The following CPLANE1 variants were observed in gnomAD, a reference collection of about 807,000 sequenced individuals.
CPLANE1 encodes the protein ciliogenesis and planar polarity effector complex subunit 1.
In CPLANE1, 263 loss-of-function variants were observed where a neutral mutation model predicts 362.5. The ratio of observed to expected loss-of-function variants is 0.73; its 90% CI spans 0.66 to 0.80. The LOEUF (loss-of-function observed/expected upper bound fraction) is 0.80, where lower values mean the gene tolerates loss of function less well. Among genes scored for constraint, CPLANE1 ranks in the 30% least tolerant of loss-of-function variants. CPLANE1 has a pLI of 0.00. For missense variants in CPLANE1, 3,461 were observed against 3,793.4 expected (o/e 0.91, Z 2.30); for synonymous variants, 1,212 against 1,302.6 (o/e 0.93, Z 1.50).
chr5:37,223,371 T>C (rs763830713), intron 14 of CPLANE1, among the ~76,000 whole-genome samples: 5 of 152,152 alleles, frequency 3.3e-5, no homozygotes, highest in Non-Finnish European at 5.9e-5. Flanking sequence ...TAAAACATAA[T>C]GAGAAAAGTG....
At chr5:37,165,430 C>G (rs1777992972) in intron 36 of CPLANE1, 109 bp downstream of exon 36, 3 of 1,016,108 alleles carry the variant, frequency 3.0e-6, no homozygotes, top group Non-Finnish European at 4.5e-6. Context: ...TGAAGATCCT[C>G]CTAGTCACAG....
Position 37,213,748 on chromosome 5 carries a change from A to G in CPLANE1, c.2747-16T>C. The G allele has an allele frequency of 6.9e-7, 1 of 1,443,132 alleles. No homozygotes were observed. The allele number at this position is 1,443,132 out of a possible 1,614,324, so 89.4% of individuals were successfully genotyped here. The stretch of plus-strand genomic sequence containing the variant: ...TTTGCAGCACCTAAGGAATACAGCA[A>G]TGACCTAAGAAGATTGTGATCAACT... On this transcript the variant is annotated splice_polypyrimidine_tract_variant and intron_variant, in intron 15 of 52. Transcript: ENST00000651892.
chr5:37,210,594 G>C, intron 16 of CPLANE1: 6 of 1,592,140 alleles, frequency 3.8e-6, no homozygotes, highest in Middle Eastern at 1.7e-4. Flanking sequence ...GCTTGAATTA[G>C]AGTCTGTCAA....
Position 37,206,386 on chromosome 5 carries a change from A to C in CPLANE1, c.2960T>G (p.Val987Gly), listed in dbSNP as rs1176915573. ...ATTCTGATCTCTAACAACACTGGCC[A>C]CCTTAGAGTGTTGCAGAGGAATAAG... is the stretch of plus-strand genomic sequence containing the variant. Reference protein sequence around the residue: ...FRLIPLQHSKVASVVRDQNLS... With the variant: ...FRLIPLQHSKGASVVRDQNLS... The change falls in exon 17 of 53, where the codon GTG becomes GGG. Residue 987 changes from valine (V) to glycine (G), a missense_variant. Physicochemically the swap from Val to Gly is moderately radical, Grantham distance 109 (BLOSUM62 -3). Transcript: ENST00000651892. 4 of 1,551,566 alleles carry C rather than the reference A, an allele frequency of 2.6e-6. No individual in the cohort carries two copies. The Admixed American group carries it at 7.8e-5, about 30-fold the overall frequency.
intron 43 of CPLANE1, among the ~76,000 whole-genome samples, chr5:37,147,277 T>C (rs1007261790): frequency 1.3e-5 from 2 of 152,186 alleles, no homozygotes; most frequent in African/African-American, 2.4e-5. Context: ...TTTTAACAAA[T>C]ATCTAAGGAT....
intron 51 of CPLANE1, among the ~76,000 whole-genome samples, chr5:37,112,472 G>C (rs979006463): frequency 6.6e-6 from 1 of 152,222 alleles, no homozygotes; most frequent in Non-Finnish European, 1.5e-5. Context: ...CCACTGGACA[G>C]TGAAAGCTTT....
At chr5:37,229,233 A>G (rs924046376) in intron 9 of CPLANE1, among the ~76,000 whole-genome samples, 9 of 147,816 alleles carry the variant, frequency 6.1e-5, no homozygotes, top group African/African-American at 2.3e-4. Flanking sequence ...AAAAAAAAAA[A>G]TTAAATTAAA....
chr5:37,203,775 C>T (rs147993757), intron 18 of CPLANE1, among the ~76,000 whole-genome samples: 1 of 152,264 alleles, frequency 6.6e-6, no homozygotes, highest in Non-Finnish European at 1.5e-5. Flanking sequence ...GCCTTAGCCT[C>T]CCAAAGCATT....
chr5:37,107,905 G>T, intron 52 of CPLANE1, 127 bp from the exon 53 acceptor site: 1 of 1,403,288 alleles, frequency 7.1e-7, no homozygotes. Context: ...TCAAAAGGCT[G>T]AAGGAAATGT....
At chr5:37,158,105 C>CA in intron 39 of CPLANE1, 119 bp downstream of exon 39, 3 of 1,175,844 alleles carry the variant, frequency 2.6e-6, no homozygotes, top group Non-Finnish European at 3.6e-6. Flanking sequence ...ACCTTTACTA[C>CA]AAAGCTACAT....
In CPLANE1 at chr5:37,206,408, T is replaced by G. The variant is rs956289118; in HGVS notation, c.2938A>C (p.Ile980Leu). 7.7e-6 allele frequency: 12 copies of G among 1,551,112 alleles called. No individual in the cohort carries two copies. Among genetic ancestry groups the G allele is most frequent in the Middle Eastern group, 1.7e-4 (1 of 6,006 alleles). ...HIKTEQSFRLIPLQHSKVASV... is the reference protein window; with the variant it reads ...HIKTEQSFRLLPLQHSKVASV... ...GCCACCTTAGAGTGTTGCAGAGGAA[T>G]AAGTCGAAAGGACTGCTCTGTGAGT... The change falls in exon 17 of 53, where the codon ATT becomes CTT. Residue 980 changes from isoleucine (I) to leucine (L), a missense_variant. Ile to Leu is a conservative substitution (Grantham distance 5, BLOSUM62 2). This residue lies in a region of CPLANE1 where 3,380 missense variants were observed against 3,666.1 expected (regional missense o/e 0.92). Coordinates refer to ENST00000651892, the MANE Select transcript of CPLANE1 (RefSeq NM_001384732.1).
At chr5:37,172,735 T>C (rs889423029) in intron 32 of CPLANE1, among the ~76,000 whole-genome samples, 1 of 152,124 alleles carries the variant, frequency 6.6e-6, no homozygotes, top group Non-Finnish European at 1.5e-5. Flanking sequence ...CCTGTAATCC[T>C]AGCACTTTGG....
At position 37,157,958 on chromosome 5, in the gene CPLANE1, A is replaced by AAT. The variant is rs779504612; in HGVS notation, c.7813-91_7813-90insAT. 2.0e-4 allele frequency: 154 copies of AAT among 762,440 alleles called. 1 individual carries two copies. The highest frequency in any genetic ancestry group is 2.9e-4 in the South Asian group (13 of 44,370). 47.2% of individuals were successfully genotyped at this position (762,440 alleles called of 1,614,324 possible). On this transcript the variant is annotated intron_variant, in intron 39 of 52. Coordinates refer to ENST00000651892, the MANE Select transcript of CPLANE1 (RefSeq NM_001384732.1). ...AAAAAAAAAAAAAAAAAAAAAAAAA[A>AAT]GGCTTAATTCTTCATTCTTATTAAA... is the stretch of plus-strand genomic sequence containing the variant.
chr5:37,221,808 T>C (rs906215187), intron 14 of CPLANE1, among the ~76,000 whole-genome samples: 11 of 152,168 alleles, frequency 7.2e-5, no homozygotes, highest in Admixed American at 2.6e-4. Context: ...TAGCATACTT[T>C]GCTCTTTTTC....
In CPLANE1 at chr5:37,125,381, G is replaced by A. The variant is rs1376344855; in HGVS notation, c.8821C>T (p.Gln2941Ter). 3 of 1,612,788 alleles carry A rather than the reference G, an allele frequency of 1.9e-6. No homozygotes were observed. The change falls in exon 47 of 53, where the codon CAA (glutamine) becomes TAA (stop). Residue 2941 changes from glutamine (Q) to a stop codon, truncating the protein, a stop_gained. Transcript: ENST00000651892. LOFTEE classifies it high-confidence loss of function. ...TCTCTTCTTTCCTTGTCAGTTCTTT[G>A]TGAATGTCTGCCAGAATAATGCTGA... Reference protein sequence around the residue: ...RIQHYSGRHSQRTDKERREIQ... With the variant: ...RIQHYSGRHS
chr5:37,100,228 T>G, the CPLANE1 span, among the ~76,000 whole-genome samples: 13 of 152,322 alleles, frequency 8.5e-5, no homozygotes, highest in Non-Finnish European at 1.9e-4. Flanking sequence ...CTTCTAGGGT[T>G]TTTATAGTTT....
At position 37,182,915 on chromosome 5, in the gene CPLANE1, T is replaced by C. The variant is rs764962678; in HGVS notation, c.5266A>G (p.Arg1756Gly). ...LLEWMIRWSN[R>G]RLLCDSGITE... ...ATACCAGAATCACAGAGTAGCCTTC[T>C]ATTAGACCACCTTATCATCCATTCC... Residue 1756 changes from arginine to glycine, a missense_variant, in exon 26 of 53, where the codon AGA becomes GGA. By Grantham distance (125) the Arg-to-Gly change is moderately radical (BLOSUM62 -2). Transcript: ENST00000651892. 2.5e-6 allele frequency: 4 copies of C among 1,606,372 alleles called. No homozygotes were observed. In the East Asian group the frequency reaches 8.9e-5, roughly 36 times the overall value.
At chr5:37,226,283 T>A in intron 12 of CPLANE1, 21 bp downstream of exon 12, 1 of 1,433,210 alleles carries the variant, frequency 7.0e-7, no homozygotes, top group East Asian at 2.5e-5. Flanking sequence ...AGTATCCCAG[T>A]ATTAAAATAA....
Position 37,183,320 on chromosome 5 carries a change from C to A in CPLANE1, c.4861G>T (p.Val1621Phe), listed in dbSNP as rs1783164189. 6.2e-7 allele frequency: 1 copy of A among 1,613,036 alleles called. No individual in the cohort carries two copies. Among genetic ancestry groups the A allele is most frequent in the African/African-American group, 1.3e-5 (1 of 74,870 alleles). Reference sequence around the variant, plus strand: ...TCTGATTCATAGGACTCAGGAGCAACAACAAAGCAAGAACCAGCTCTAAAC... The same window carrying A: ...TCTGATTCATAGGACTCAGGAGCAAAAACAAAGCAAGAACCAGCTCTAAAC... ...NVFRAGSCFV[V>F]APESYESEKS... The change falls in exon 26 of 53, where the codon GTT becomes TTT. Residue 1621 changes from valine to phenylalanine, a missense_variant. By Grantham distance (50) the Val-to-Phe change is conservative. Transcript: ENST00000651892.
Sources: gnomAD v4.1 joint callset for allele counts (sites outside exome capture counted in the v4.1 genomes callset) on GRCh38, gnomAD v4.1.1 for gene constraint, gnomAD v4.1.1 regional missense constraint, MANE v1.5 for transcripts, NCBI Gene and HGNC (gene_info 2026-07-23, HGNC 2026-07-21) for gene names.